Variants in PHF20L1 observed in about 807,000 individuals in gnomAD.
The protein encoded by PHF20L1 is PHD finger protein 20 like 1, also known as PHD finger protein 20-like protein 1.
In PHF20L1, 44 loss-of-function variants were observed where a neutral mutation model predicts 125.5. That is an observed-to-expected ratio of 0.35 (90% CI 0.28 to 0.45). The LOEUF (loss-of-function observed/expected upper bound fraction) is 0.45. PHF20L1 is among the 20% of genes least tolerant of loss of function. The pLI, the probability that PHF20L1 is intolerant of heterozygous loss-of-function variation, is 1.00. For synonymous variants in PHF20L1, 380 were observed against 403.1 expected (o/e 0.94, Z 0.69); for missense variants, 1,012 against 1,217.2 (o/e 0.83, Z 2.51).
chr8:132,814,592 TGAA>T (rs1231200576), intron 9 of PHF20L1, 42 bp from the exon 10 acceptor site: 7 of 1,382,010 alleles, frequency 5.1e-6, no homozygotes, highest in East Asian at 2.5e-5. Context: ...AGAACAAAAA[TGAA>T]GAAGCCAAAA....
intron 8 of PHF20L1, chr8:132,809,743 T>C (rs545737551): frequency 1.3e-5 from 2 of 152,286 alleles, no homozygotes; most frequent in Admixed American, 1.3e-4. Context: ...AACACAAAAA[T>C]GATTTTTGGT....
intron 10 of PHF20L1, chr8:132,816,284 C>T (rs1225506219): frequency 6.6e-6 from 1 of 151,132 alleles, no homozygotes; most frequent in Non-Finnish European, 1.5e-5. Context: ...TAAATATCCT[C>T]ATTATTTGCT....
intron 12 of PHF20L1, among the ~76,000 whole-genome samples, chr8:132,822,305 C>A (rs1835695671): frequency 6.6e-6 from 1 of 151,876 alleles, no homozygotes; most frequent in African/African-American, 2.4e-5. Flanking sequence ...CTTCCAAGTA[C>A]CTAAGGGGTG....
chr8:132,836,782 A>G, intron 16 of PHF20L1, 61 bp downstream of exon 16: 1 of 1,216,524 alleles, frequency 8.2e-7, no homozygotes, highest in South Asian at 1.3e-5. Flanking sequence ...CAGCAAATGC[A>G]TCACGGTGTT....
chr8:132,838,106 A>T (rs145500112), intron 17 of PHF20L1: 3 of 222,100 alleles, frequency 1.4e-5, no homozygotes, highest in East Asian at 1.8e-4. Context: ...AATTAGACTC[A>T]ACTTCCGTAT....
chr8:132,820,067 C>G (rs543420524), intron 12 of PHF20L1, among the ~76,000 whole-genome samples: 1 of 151,762 alleles, frequency 6.6e-6, no homozygotes, highest in East Asian at 2.0e-4. Flanking sequence ...TTGCAATAAT[C>G]TCTCGTATGT....
At chr8:132,784,186 G>T (rs560584337) in intron 2 of PHF20L1, among the ~76,000 whole-genome samples, 2 of 152,196 alleles carry the variant, frequency 1.3e-5, no homozygotes, top group South Asian at 4.1e-4. Flanking sequence ...ACCTGGTTTC[G>T]GGTTGTTCTT....
intron 9 of PHF20L1, chr8:132,812,865 A>G (rs1271266663): frequency 1.0e-6 from 1 of 981,226 alleles, no homozygotes; most frequent in Non-Finnish European, 1.2e-6. Flanking sequence ...GTCAAAACTT[A>G]CTGTGCTAAT....
At position 132,845,956 on chromosome 8, in the gene PHF20L1, T is replaced by G. The variant is rs746725451; in HGVS notation, c.*33T>G. The G allele has an allele frequency of 5.1e-6, 8 of 1,573,140 alleles. No homozygotes were observed. Among genetic ancestry groups the G allele is most frequent in the Non-Finnish European group, 7.0e-6 (8 of 1,148,532 alleles). On this transcript the variant is annotated 3_prime_UTR_variant, in exon 21 of 21. Coordinates refer to ENST00000395386, the MANE Select transcript of PHF20L1 (RefSeq NM_016018.5). Reference sequence around the variant, plus strand: ...GAACACTTAATGAAAGAATGTGGCTTTCTTCAGTCAAAGCATTTTTATTAT... The same window carrying G: ...GAACACTTAATGAAAGAATGTGGCTGTCTTCAGTCAAAGCATTTTTATTAT...
At chr8:132,817,957 CTGT>C (rs2131698902) in intron 12 of PHF20L1, 2 of 153,928 alleles carry the variant, frequency 1.3e-5, no homozygotes, top group South Asian at 4.1e-4. Flanking sequence ...AGCTATATGC[CTGT>C]ATCTTAAATA....
At chr8:132,838,362 A>T (rs1837592883) in intron 17 of PHF20L1, 1 of 156,904 alleles carries the variant, frequency 6.4e-6, no homozygotes, top group Admixed American at 6.1e-5. Flanking sequence ...GCAGTTCTGC[A>T]TATTCGACTC....
intron 2 of PHF20L1, among the ~76,000 whole-genome samples, chr8:132,787,807 A>G (rs1831226190): frequency 6.6e-6 from 1 of 152,118 alleles, no homozygotes; most frequent in African/African-American, 2.4e-5. Context: ...GCTACCAGGA[A>G]ACTAAAACTT....
In PHF20L1 at chr8:132,777,881, G is replaced by A. The variant is rs1376246532; in HGVS notation, c.53G>A (p.Arg18His). ...GGAATCACTTTTGAGATTGGTGCTCGTTTGGAGGCACTGGACTACTTACAA... is the reference window on the plus strand; with the variant it reads ...GGAATCACTTTTGAGATTGGTGCTCATTTGGAGGCACTGGACTACTTACAA... Reference protein sequence around the residue: ...RPGITFEIGARLEALDYLQKW... With the variant: ...RPGITFEIGAHLEALDYLQKW... Residue 18 changes from arginine (R) to histidine (H), a missense_variant, in exon 2 of 21, where the codon CGT becomes CAT. Transcript: ENST00000395386. 5.6e-6 allele frequency: 9 copies of A among 1,612,434 alleles called. No individual in the cohort carries two copies. Among genetic ancestry groups the A allele is most frequent in the East Asian group, 2.2e-5 (1 of 44,840 alleles).
At chr8:132,818,950 T>G (rs984695174) in intron 12 of PHF20L1, 6 of 151,916 alleles carry the variant, frequency 3.9e-5, no homozygotes, top group Non-Finnish European at 7.4e-5. Context: ...TATTGAAATA[T>G]AGGCCAATAT....
chr8:132,834,511 T>G (rs1213183326), intron 15 of PHF20L1, among the ~76,000 whole-genome samples: 2 of 151,994 alleles, frequency 1.3e-5, no homozygotes, highest in Non-Finnish European at 2.9e-5. Flanking sequence ...TTATTTTTGC[T>G]TTTGTAGAGA....
chr8:132,802,792 C>T (rs1265850240), intron 6 of PHF20L1, among the ~76,000 whole-genome samples: 4 of 151,522 alleles, frequency 2.6e-5, no homozygotes, highest in East Asian at 1.9e-4. Context: ...ATTTTATTAA[C>T]GTATTTTGCT....
At chr8:132,776,230 T>C (rs1164863014) in intron 1 of PHF20L1, among the ~76,000 whole-genome samples, 1 of 152,200 alleles carries the variant, frequency 6.6e-6, no homozygotes, top group African/African-American at 2.4e-5. Context: ...AATCTTGTTT[T>C]TTTTCTGGTA....
intron 17 of PHF20L1, 151 bp downstream of exon 17, chr8:132,837,962 G>A: frequency 1.6e-6 from 1 of 614,142 alleles, no homozygotes. Flanking sequence ...AAATGAAACA[G>A]CATGCTATAT....
intron 1 of PHF20L1, among the ~76,000 whole-genome samples, chr8:132,777,280 G>A (rs1373457549): frequency 6.6e-6 from 1 of 152,160 alleles, no homozygotes; most frequent in East Asian, 1.9e-4. Flanking sequence ...AGAGGAGTGT[G>A]CCTACTGTTT....
Sources: gnomAD v4.1 joint callset for allele counts (sites outside exome capture counted in the v4.1 genomes callset) on GRCh38, gnomAD v4.1.1 for gene constraint, MANE v1.5 for transcripts, NCBI Gene and HGNC (gene_info 2026-07-23, HGNC 2026-07-21) for gene names.